XKR4: variants seen among roughly 807,000 people sequenced by gnomAD.
The protein encoded by XKR4 is XK-related protein 4.
Under a neutral mutation model 53.9 loss-of-function variants are expected in XKR4, and 12 were observed. The ratio of observed to expected loss-of-function variants is 0.22; its 90% CI spans 0.14 to 0.36. The LOEUF is 0.36. Ranked by LOEUF, XKR4 falls within the 10% of genes least tolerant of loss-of-function variation. The probability of loss-of-function intolerance (pLI) is 1.00; values close to 1 mark genes in which losing one functional copy is unlikely to be tolerated. For missense variants in XKR4, 799 were observed against 859.5 expected, an observed-to-expected ratio of 0.93 and a Z score of 0.88; for synonymous variants, 354 against 362.4, an observed-to-expected ratio of 0.98 and a Z score of 0.26.
chr8:55,256,444 CTG>C (rs1351652687), intron 1 of XKR4, among the ~76,000 whole-genome samples: 1 of 152,150 alleles, frequency 6.6e-6, no homozygotes, highest in African/African-American at 2.4e-5. Context: ...GTCCAGGAAA[CTG>C]GAAACCAAGG....
At chr8:55,139,413 G>A (rs564306566) in intron 1 of XKR4, among the ~76,000 whole-genome samples, 10 of 150,892 alleles carry the variant, frequency 6.6e-5, no homozygotes, top group African/African-American at 1.2e-4. Flanking sequence ...GGCAGGCCCC[G>A]GTAATCCCAG....
In XKR4 at chr8:55,342,553, C is replaced by T. The variant is rs773121575; in HGVS notation, c.807-15125C>T. Among the ~76,000 whole-genome samples the T allele has an allele frequency of 3.9e-5, 6 of 152,006 alleles. No individual in the cohort carries two copies. In the East Asian group the frequency reaches 5.8e-4, roughly 15 times the overall value. On this transcript the variant is annotated intron_variant, in intron 1 of 2. Transcript: ENST00000327381. ...CGTCCCACTGCCTCTCTGCTCTGAT[C>T]TCCCACTGCCCCCCACCGATCTGCT...
At chr8:55,284,630 C>T (rs1273139013) in intron 1 of XKR4, among the ~76,000 whole-genome samples, 1 of 151,970 alleles carries the variant, frequency 6.6e-6, no homozygotes, top group Non-Finnish European at 1.5e-5. Context: ...GAGAGAGAGC[C>T]CAATAAGGAA....
At chr8:55,134,002 A>G (rs1199728692) in intron 1 of XKR4, among the ~76,000 whole-genome samples, 1 of 152,262 alleles carries the variant, frequency 6.6e-6, no homozygotes, top group Non-Finnish European at 1.5e-5. Flanking sequence ...ATCATTTGGA[A>G]GAATTTTCTC....
chr8:55,150,145 A>T (rs1816821670), intron 1 of XKR4, among the ~76,000 whole-genome samples: 2 of 152,218 alleles, frequency 1.3e-5, no homozygotes, highest in South Asian at 4.1e-4. Context: ...ACACCATTTC[A>T]TGGGTTATTT....
intron 1 of XKR4, among the ~76,000 whole-genome samples, chr8:55,316,071 T>A (rs976498512): frequency 1.3e-5 from 2 of 152,142 alleles, no homozygotes; most frequent in Non-Finnish European, 2.9e-5. Context: ...AATTCAAAAT[T>A]CAAATGAATG....
At chr8:55,268,809 G>A (rs1485933324) in intron 1 of XKR4, among the ~76,000 whole-genome samples, 1 of 152,146 alleles carries the variant, frequency 6.6e-6, no homozygotes, top group Non-Finnish European at 1.5e-5. Flanking sequence ...GGTGGAGAGT[G>A]TTTATCTAGC....
At position 55,528,711 on chromosome 8, in the gene XKR4, A is replaced by G. The variant is rs1806909544; in HGVS notation, c.*4484A>G. ...GGAGGACTGGGGTGGTCATTCCTATAATTTCAGTGACAGATGCAGATCAAC... is the reference window on the plus strand; with the variant it reads ...GGAGGACTGGGGTGGTCATTCCTATGATTTCAGTGACAGATGCAGATCAAC... On this transcript the variant is annotated 3_prime_UTR_variant, in exon 3 of 3. Coordinates refer to ENST00000327381, the MANE Select transcript of XKR4 (RefSeq NM_052898.2). 1.3e-5 allele frequency: 2 copies of G among 152,158 alleles called. No individual in the cohort carries two copies. Among genetic ancestry groups the G allele is most frequent in the African/African-American group, 4.8e-5 (2 of 41,424 alleles). 9.4% of individuals were successfully genotyped at this position (152,158 alleles called of 1,614,324 possible).
intron 1 of XKR4, among the ~76,000 whole-genome samples, chr8:55,235,193 T>C (rs1818102179): frequency 6.6e-6 from 1 of 152,208 alleles, no homozygotes; most frequent in Non-Finnish European, 1.5e-5. Context: ...TCACATGGCC[T>C]TCTCCTCTGT....
intron 1 of XKR4, among the ~76,000 whole-genome samples, chr8:55,343,931 G>A (rs1382094196): frequency 6.6e-6 from 1 of 152,208 alleles, no homozygotes; most frequent in Non-Finnish European, 1.5e-5. Context: ...ATTGCATTTG[G>A]ACCTAAACCT....
At chr8:55,182,369 G>A (rs1817323029) in intron 1 of XKR4, among the ~76,000 whole-genome samples, 1 of 151,808 alleles carries the variant, frequency 6.6e-6, no homozygotes, top group Admixed American at 6.6e-5. Context: ...CACACTTGGT[G>A]CATTTGCAAA....
intron 1 of XKR4, among the ~76,000 whole-genome samples, chr8:55,112,742 G>A (rs550192269): frequency 5.3e-5 from 8 of 151,960 alleles, no homozygotes; most frequent in African/African-American, 1.9e-4. Flanking sequence ...GTGAGGCAAG[G>A]AAAGGATTTG....
At chr8:55,187,305 C>CAA (rs1168014848) in intron 1 of XKR4, among the ~76,000 whole-genome samples, 25,684 of 95,610 alleles carry the variant, frequency 0.27, 3,107 homozygotes, top group Middle Eastern at 0.39. Context: ...TTTCCAGGAC[C>CAA]AAAAAAAAAA....
intron 1 of XKR4, among the ~76,000 whole-genome samples, chr8:55,129,844 A>G (rs1816530247): frequency 6.6e-6 from 1 of 152,192 alleles, no homozygotes. Flanking sequence ...TTCTACCTGT[A>G]GGGTTTCTGA....
chr8:55,197,971 T>C (rs1817527429), intron 1 of XKR4, among the ~76,000 whole-genome samples: 1 of 152,154 alleles, frequency 6.6e-6, no homozygotes, highest in African/African-American at 2.4e-5. Flanking sequence ...CATAAATAAA[T>C]AAATAAATGC....
chr8:55,338,185 C>A (rs975045032), intron 1 of XKR4, among the ~76,000 whole-genome samples: 3 of 152,178 alleles, frequency 2.0e-5, no homozygotes, highest in Non-Finnish European at 2.9e-5. Context: ...TAATTGCTTT[C>A]CCAAATTGTG....
rs528968156 is a variant in XKR4, at chr8:55,405,842, G to C, written c.1006+47965G>C. Among the ~76,000 whole-genome samples, 6 of 152,298 alleles carry C rather than the reference G, an allele frequency of 3.9e-5. No homozygotes were observed. The South Asian group carries it at 1.2e-3, about 32-fold the overall frequency. On this transcript the variant is annotated intron_variant, in intron 2 of 2. Coordinates refer to ENST00000327381, the MANE Select transcript of XKR4 (RefSeq NM_052898.2). ...CAGTGTTCAGAGGCCTCTGTTAAAG[G>C]AGAATGTGTGTGATGGAAATAGGCC...
rs867347494 is a variant in XKR4 at position 55,205,562 on chromosome 8, T to C, written c.806+102268T>C. ...TGGCCAAAGAATGTTTCCTATAACATCTTTTTAAAAAACTAATTATTAGTG... is the reference window on the plus strand; with the variant it reads ...TGGCCAAAGAATGTTTCCTATAACACCTTTTTAAAAAACTAATTATTAGTG... On this transcript the variant is annotated intron_variant, in intron 1 of 2. Transcript: ENST00000327381. Among the ~76,000 whole-genome samples, 13 of 152,348 alleles carry C rather than the reference T, an allele frequency of 8.5e-5. No individual in the cohort carries two copies. The Middle Eastern group carries it at 0.01, about 120-fold the overall frequency.
At chr8:55,210,369 C>T (rs1207016997) in intron 1 of XKR4, among the ~76,000 whole-genome samples, 2 of 152,168 alleles carry the variant, frequency 1.3e-5, no homozygotes, top group Non-Finnish European at 2.9e-5. Flanking sequence ...CAGGCATGAA[C>T]CACCACATCC....
Sources: allele counts gnomAD v4.1 joint callset (sites outside exome capture counted in the v4.1 genomes callset), GRCh38; gene constraint gnomAD v4.1.1; transcripts MANE v1.5; gene names NCBI Gene and HGNC (gene_info 2026-07-23, HGNC 2026-07-21).